The following TCF4 variants were observed in gnomAD, a reference collection of about 807,000 sequenced individuals.
The protein encoded by TCF4 is SL3-3 enhancer factor 2.
Under a neutral mutation model 82.1 loss-of-function variants are expected in TCF4, and 3 were observed. The ratio of observed to expected loss-of-function variants is 0.04; its 90% CI spans 0.02 to 0.09. The LOEUF (loss-of-function observed/expected upper bound fraction) is 0.09. Ranked by LOEUF, TCF4 falls within the 10% of genes least tolerant of loss-of-function variation. TCF4 has a pLI of 1.00. For missense variants in TCF4, 518 were observed against 852.7 expected (o/e 0.61, Z 4.89); for synonymous variants, 276 against 309.6 (o/e 0.89, Z 1.14).
intron 3 of TCF4, among the ~76,000 whole-genome samples, chr18:55,537,605 TA>T (rs1472529444): frequency 6.6e-6 from 1 of 151,842 alleles, no homozygotes. Context: ...AAAATAATAA[TA>T]AAAAAATTAT....
chr18:55,588,382 C>G, upstream of TCF4: 1 of 1,532,092 alleles, frequency 6.5e-7, no homozygotes, highest in Admixed American at 2.0e-5. Context: ...GGATGCATCC[C>G]CCTCGCACCC....
intron 6 of TCF4, among the ~76,000 whole-genome samples, chr18:55,382,790 T>G (rs1448677841): frequency 6.6e-6 from 1 of 152,254 alleles, no homozygotes; most frequent in Non-Finnish European, 1.5e-5. Context: ...AATTTCTGTC[T>G]TGTATGTGCT....
At chr18:55,389,937 C>G (rs1451961649) in intron 6 of TCF4, among the ~76,000 whole-genome samples, 1 of 151,964 alleles carries the variant, frequency 6.6e-6, no homozygotes, top group Non-Finnish European at 1.5e-5. Context: ...GGAGACCGAG[C>G]AGTCTCAGAT....
At chr18:55,454,457 GAGGT>G (rs2095694510) in intron 5 of TCF4, among the ~76,000 whole-genome samples, 1 of 152,068 alleles carries the variant, frequency 6.6e-6, no homozygotes, top group African/African-American at 2.4e-5. Context: ...GTCATTTATT[GAGGT>G]CCTACAACCT....
At chr18:55,531,113 A>C in intron 3 of TCF4, among the ~76,000 whole-genome samples, 1 of 151,822 alleles carries the variant, frequency 6.6e-6, no homozygotes, top group South Asian at 2.1e-4. Context: ...CACCACACCC[A>C]GCTAATTTTT....
intron 3 of TCF4, among the ~76,000 whole-genome samples, chr18:55,563,957 A>C (rs1391633951): frequency 1.3e-5 from 2 of 152,238 alleles, no homozygotes; most frequent in African/African-American, 2.4e-5. Context: ...TCACAGAACT[A>C]TCATTCCTAT....
At chr18:55,595,768 A>T (rs1025403165) in intron 2 of TCF4, among the ~76,000 whole-genome samples, 1 of 152,154 alleles carries the variant, frequency 6.6e-6, no homozygotes, top group Admixed American at 6.6e-5. Context: ...TGTTTTTTCT[A>T]TTGCAGCCTG....
intron 6 of TCF4, among the ~76,000 whole-genome samples, chr18:55,394,623 T>C (rs2093379999): frequency 6.6e-6 from 1 of 152,198 alleles, no homozygotes; most frequent in African/African-American, 2.4e-5. Flanking sequence ...ACAAGAAATG[T>C]CTGACAAAAA....
intron 3 of TCF4, among the ~76,000 whole-genome samples, chr18:55,514,426 C>CAG (rs1488215394): frequency 2.6e-5 from 4 of 151,802 alleles, no homozygotes; most frequent in Non-Finnish European, 5.9e-5. Context: ...CACACACACA[C>CAG]ACACACACAC....
intron 3 of TCF4, among the ~76,000 whole-genome samples, chr18:55,579,391 T>C (rs1298055887): frequency 6.6e-6 from 1 of 151,820 alleles, no homozygotes; most frequent in African/African-American, 2.4e-5. Context: ...TTTCTAATAC[T>C]TAGCACTATC....
chr18:55,247,864 A>T (rs1351041803), intron 15 of TCF4, among the ~76,000 whole-genome samples: 1 of 152,236 alleles, frequency 6.6e-6, no homozygotes, highest in African/African-American at 2.4e-5. Flanking sequence ...GGGCAGAAAC[A>T]TAAGGACTGT....
chr18:55,490,613 CAA>C (rs111901375), intron 3 of TCF4, among the ~76,000 whole-genome samples: 2 of 139,266 alleles, frequency 1.4e-5, no homozygotes, highest in Non-Finnish European at 1.6e-5. Context: ...TAGAATGGAG[CAA>C]AAAAAAAAAG....
chr18:55,392,110 T>G (rs1433620499), intron 6 of TCF4, among the ~76,000 whole-genome samples: 2 of 150,216 alleles, frequency 1.3e-5, no homozygotes, highest in African/African-American at 4.9e-5. Context: ...ATTACAGGCA[T>G]GCACCACCAC....
chr18:55,603,811 A>G (rs2147950929), intron 2 of TCF4, among the ~76,000 whole-genome samples: 1 of 152,286 alleles, frequency 6.6e-6, no homozygotes, highest in African/African-American at 2.4e-5. Flanking sequence ...AGCATGTCTC[A>G]TTTGTTAGGA....
In TCF4 at chr18:55,246,430, AG is replaced by A. The variant is rs1326042635; in HGVS notation, c.1350+8066del. ...CAATGCCAGACTGTTTCAACATCAT[AG>A]AGTCTGAATTTGAGTAAAATATGTA... On this transcript the variant is annotated intron_variant, in intron 15 of 19. Coordinates refer to ENST00000354452, the MANE Select transcript of TCF4 (RefSeq NM_001083962.2). Among the ~76,000 whole-genome samples the A allele has an allele frequency of 3.3e-5, 5 of 152,298 alleles. No individual in the cohort carries two copies. The South Asian group carries it at 8.3e-4, about 25-fold the overall frequency.
At chr18:55,602,795 T>C (rs1371728479) in intron 2 of TCF4, among the ~76,000 whole-genome samples, 1 of 152,170 alleles carries the variant, frequency 6.6e-6, no homozygotes, top group East Asian at 1.9e-4. Context: ...AAAATTGTAA[T>C]TGCAGACACA....
intron 8 of TCF4, among the ~76,000 whole-genome samples, chr18:55,323,054 T>G (rs897059214): frequency 6.6e-6 from 1 of 152,206 alleles, no homozygotes; most frequent in Admixed American, 6.5e-5. Context: ...TGGCAAGGTT[T>G]CTCACAAGCA....
chr18:55,588,343 A>G, upstream of TCF4: 4 of 1,482,622 alleles, frequency 2.7e-6, no homozygotes, highest in Non-Finnish European at 3.6e-6. Flanking sequence ...CGGCGGGGAG[A>G]CGCGACTTGC....
At chr18:55,359,825 T>A (rs1417191147) in intron 6 of TCF4, among the ~76,000 whole-genome samples, 1 of 152,232 alleles carries the variant, frequency 6.6e-6, no homozygotes, top group Admixed American at 6.5e-5. Flanking sequence ...TCCTTTAAAG[T>A]ACATTTGAAG....
Sources: allele counts gnomAD v4.1 joint callset (sites outside exome capture counted in the v4.1 genomes callset), GRCh38; gene constraint gnomAD v4.1.1; transcripts MANE v1.5; gene names NCBI Gene and HGNC (gene_info 2026-07-23, HGNC 2026-07-21).